The following PEF1 variants were observed in gnomAD, a reference collection of about 807,000 sequenced individuals.
PEF1 encodes peflin.
PEF1 carries 17 observed loss-of-function variants against 32.0 expected under a neutral mutation model. The observed-to-expected ratio is 0.53, with a 90% CI of 0.36 to 0.80. The LOEUF is 0.80. Ranked by LOEUF, PEF1 falls within the 30% of genes least tolerant of loss-of-function variation. The pLI is 0.00. For synonymous variants in PEF1, 130 were observed against 139.8 expected, an observed-to-expected ratio of 0.93 and a Z score of 0.50; for missense variants, 362 against 369.1, an observed-to-expected ratio of 0.98 and a Z score of 0.16.
At position 31,632,712 on chromosome 1, in the gene PEF1, G is replaced by A. The variant is rs1215839454; in HGVS notation, c.482-74C>T. ...CCAAGGGTCCCCCTCAGGACCCATTGAGGCAGCCCTTCTCTCCAGGCTGGA... is the reference window on the plus strand; with the variant it reads ...CCAAGGGTCCCCCTCAGGACCCATTAAGGCAGCCCTTCTCTCCAGGCTGGA... On this transcript the variant is annotated intron_variant, in intron 3 of 4. Transcript: ENST00000373703. 6.5e-6 allele frequency: 10 copies of A among 1,527,684 alleles called. No homozygotes were observed. The Admixed American group carries it at 1.7e-4, about 26-fold the overall frequency. The allele number at this position is 1,527,684 out of a possible 1,614,324, so 94.6% of individuals were successfully genotyped here.
In PEF1 at chr1:31,635,459, G is replaced by T. The variant is rs142951278; in HGVS notation, c.88C>A (p.Pro30Thr). Residue 30 changes from proline (P) to threonine (T), a missense_variant, in exon 2 of 5, where the codon CCC becomes ACC. Pro to Thr is a conservative substitution (Grantham distance 38). Coordinates refer to ENST00000373703, the MANE Select transcript of PEF1 (RefSeq NM_012392.4). ...CTACCATACTGCCCTCCACTATTGG[G>T]GGGTCCAGGGTAGTAGCTACCCGGA... is the stretch of plus-strand genomic sequence containing the variant. The part of the protein sequence containing the change: ...APPGSYYPGP[P>T]NSGGQYGSGL... 768 of 1,593,316 alleles carry T rather than the reference G, an allele frequency of 4.8e-4. 1 individual carries two copies. Among genetic ancestry groups the T allele is most frequent in the Non-Finnish European group, 5.7e-4 (661 of 1,167,784 alleles).
chr1:31,643,251 T>C (rs1219539151), intron 1 of PEF1, among the ~76,000 whole-genome samples: 1 of 152,262 alleles, frequency 6.6e-6, no homozygotes, highest in Non-Finnish European at 1.5e-5. Context: ...TATTCCTTTC[T>C]GGATGATTTA....
At chr1:31,637,731 G>A (rs1640295574) in intron 1 of PEF1, among the ~76,000 whole-genome samples, 1 of 151,884 alleles carries the variant, frequency 6.6e-6, no homozygotes, top group Non-Finnish European at 1.5e-5. Flanking sequence ...AGTTGCTCTG[G>A]CTGAAGTAAG....
chr1:31,642,064 T>A (rs1640404602), intron 1 of PEF1, among the ~76,000 whole-genome samples: 1 of 152,152 alleles, frequency 6.6e-6, no homozygotes, highest in Admixed American at 6.5e-5. Context: ...AAACCCCGTC[T>A]CTACTAAAAA....
intron 1 of PEF1, among the ~76,000 whole-genome samples, chr1:31,639,260 A>C (rs1236025391): frequency 6.6e-6 from 1 of 152,202 alleles, no homozygotes; most frequent in Non-Finnish European, 1.5e-5. Flanking sequence ...TGAACCCAGA[A>C]AGGCAGGCCC....
intron 1 of PEF1, among the ~76,000 whole-genome samples, chr1:31,636,246 G>C (rs1304758155): frequency 6.6e-6 from 1 of 152,094 alleles, no homozygotes; most frequent in Non-Finnish European, 1.5e-5. Flanking sequence ...AGACCAGCCT[G>C]GGCAACACAG....
chr1:31,632,514 G>A lies in PEF1; in HGVS notation c.606C>T (p.Ser202=), dbSNP rs753988526. The A allele has an allele frequency of 1.2e-6, 2 of 1,614,238 alleles. No homozygotes were observed. The highest frequency in any genetic ancestry group is 2.2e-5 in the South Asian group (2 of 91,088). ...CCGCACCTTGCTGCAGCTCTGTGTA[G>A]CTAATGGAGCCCGAGCGGTCCCGGT... is the stretch of plus-strand genomic sequence containing the variant. ...QYDRDRSGSI[S]YTELQQALSQ... is the part of the protein sequence containing the mutation. Residue 202 remains serine (S), a synonymous_variant, in exon 4 of 5, where the codon AGC becomes AGT. Transcript: ENST00000373703.
rs1448996058 is a variant in PEF1, at chr1:31,632,329, A to G, written c.625+166T>C. On this transcript the variant is annotated intron_variant, in intron 4 of 4. Coordinates refer to ENST00000373703, the MANE Select transcript of PEF1 (RefSeq NM_012392.4). The stretch of plus-strand genomic sequence containing the variant: ...GCCCTGGCTCTTGGCTCAGTGCCCC[A>G]GCTGGGTCAAAGAAGGGGTGAGGGA... 3 of 1,207,790 alleles carry G rather than the reference A, an allele frequency of 2.5e-6. No individual in the cohort carries two copies. In the Admixed American group the frequency reaches 5.7e-5, roughly 23 times the overall value. 74.8% of individuals were successfully genotyped at this position (1,207,790 alleles called of 1,614,324 possible).
In PEF1 at chr1:31,632,476, C is replaced by A. The variant is rs774938086; in HGVS notation, c.625+19G>T. 4.3e-6 allele frequency: 7 copies of A among 1,614,126 alleles called. No homozygotes were observed. On this transcript the variant is annotated intron_variant, in intron 4 of 4. Transcript: ENST00000373703. ...GTCTAGCTCTGTCCTGCCCATCGTGCCCCGGCCATGACCCGCACCTTGCTG... is the reference window on the plus strand; with the variant it reads ...GTCTAGCTCTGTCCTGCCCATCGTGACCCGGCCATGACCCGCACCTTGCTG...
intron 1 of PEF1, among the ~76,000 whole-genome samples, chr1:31,641,333 C>T (rs372980035): frequency 1.3e-5 from 2 of 152,206 alleles, no homozygotes; most frequent in African/African-American, 4.8e-5. Flanking sequence ...AGCGTCAAAA[C>T]CGGTATCCCT....
In PEF1 at chr1:31,630,549, C is replaced by T. The variant is rs372597690; in HGVS notation, c.*64G>A. ...CAGGAAAAGAAGAGATGTCCACATA[C>T]TTCTCTCACTCTAAGAAGCCAGGAA... is the stretch of plus-strand genomic sequence containing the variant. On this transcript the variant is annotated 3_prime_UTR_variant, in exon 5 of 5. Transcript: ENST00000373703. The T allele has an allele frequency of 1.6e-5, 23 of 1,455,798 alleles. No homozygotes were observed. The East Asian group carries it at 2.8e-4, about 17-fold the overall frequency. The allele number at this position is 1,455,798 out of a possible 1,614,324, so 90.2% of individuals were successfully genotyped here.
intron 1 of PEF1, among the ~76,000 whole-genome samples, chr1:31,641,917 T>A (rs1326931610): frequency 6.6e-6 from 1 of 152,256 alleles, no homozygotes; most frequent in East Asian, 1.9e-4. Context: ...AGGTAGATAC[T>A]ATTATGACCC....
chr1:31,636,033 T>C (rs1386969847), intron 1 of PEF1, among the ~76,000 whole-genome samples: 1 of 152,210 alleles, frequency 6.6e-6, no homozygotes, highest in Non-Finnish European at 1.5e-5. Context: ...ATCCACAGCA[T>C]GTCTTCCTTA....
intron 1 of PEF1, among the ~76,000 whole-genome samples, chr1:31,636,371 G>C (rs1255048572): frequency 6.6e-6 from 1 of 152,156 alleles, no homozygotes; most frequent in East Asian, 1.9e-4. Flanking sequence ...AATGACTCAG[G>C]AGGCTAAGGT....
intron 4 of PEF1, among the ~76,000 whole-genome samples, chr1:31,631,939 T>G (rs533325166): frequency 6.6e-6 from 1 of 152,240 alleles, no homozygotes; most frequent in South Asian, 2.1e-4. Context: ...CCCAACCTCT[T>G]ACTAACCTGC....
At chr1:31,630,929 A>G in intron 4 of PEF1, 87 bp from the exon 5 acceptor site, 1 of 1,147,728 alleles carries the variant, frequency 8.7e-7, no homozygotes, top group Non-Finnish European at 1.3e-6. Flanking sequence ...ACAACAGTTC[A>G]AGGAACTTCG....
rs975075322 is a variant in PEF1, at chr1:31,635,075, C to T, written c.325+147G>A. 26 of 1,015,046 alleles carry T rather than the reference C, an allele frequency of 2.6e-5. No homozygotes were observed. The Admixed American group carries it at 5.1e-4, about 20-fold the overall frequency. 62.9% of individuals were successfully genotyped at this position (1,015,046 alleles called of 1,614,324 possible). On this transcript the variant is annotated intron_variant, in intron 2 of 4. Transcript: ENST00000373703. ...CAACAAAACTAGCTGACAAACTTAT[C>T]ATTTTGAGGATACACACTGAAGCTG...
intron 3 of PEF1, 136 bp from the exon 4 acceptor site, chr1:31,632,774 A>C: frequency 9.6e-7 from 1 of 1,040,704 alleles, no homozygotes; most frequent in African/African-American, 1.6e-5. Context: ...TGAGGCCCAG[A>C]TGCCTGCACC....
chr1:31,644,285 TG>T, intron 1 of PEF1: 1 of 822,506 alleles, frequency 1.2e-6, no homozygotes. Flanking sequence ...CCTAACTGCC[TG>T]GTGACTTCAG....
Sources: gnomAD v4.1 joint callset for allele counts (sites outside exome capture counted in the v4.1 genomes callset) on GRCh38, gnomAD v4.1.1 for gene constraint, MANE v1.5 for transcripts, NCBI Gene and HGNC (gene_info 2026-07-23, HGNC 2026-07-21) for gene names.